Variants in GPM6A observed in about 807,000 individuals in gnomAD.
GPM6A encodes neuronal membrane glycoprotein M6-a.
GPM6A carries 7 observed loss-of-function variants against 32.1 expected under a neutral mutation model. That is an observed-to-expected ratio of 0.22 (90% CI 0.12 to 0.41). The LOEUF is 0.41. GPM6A is among the 10% of genes least tolerant of loss of function. GPM6A has a pLI of 1.00. For synonymous variants in GPM6A, 130 were observed against 123.4 expected, an observed-to-expected ratio of 1.05 and a Z score of -0.35; for missense variants, 235 against 347.2, an observed-to-expected ratio of 0.68 and a Z score of 2.57.
At chr4:175,933,290 G>A (rs1253196528) in intron 1 of GPM6A, among the ~76,000 whole-genome samples, 4 of 152,076 alleles carry the variant, frequency 2.6e-5, no homozygotes, top group Admixed American at 2.6e-4. Flanking sequence ...TAAAACCAGA[G>A]TGAGATACCA....
At chr4:175,889,670 G>C (rs1737576878) in intron 1 of GPM6A, among the ~76,000 whole-genome samples, 1 of 152,086 alleles carries the variant, frequency 6.6e-6, no homozygotes, top group Non-Finnish European at 1.5e-5. Context: ...AAACTTAGCT[G>C]GGCGTGGTGG....
intron 4 of GPM6A, among the ~76,000 whole-genome samples, chr4:175,643,424 T>C (rs151196262): frequency 1.3e-5 from 2 of 152,190 alleles, no homozygotes; most frequent in East Asian, 3.9e-4. Context: ...TTCAGACACA[T>C]TGACTTCCCT....
At chr4:175,835,627 G>GTATATA (rs35980764) in intron 1 of GPM6A, among the ~76,000 whole-genome samples, 9,199 of 138,430 alleles carry the variant, frequency 0.066, 342 homozygotes, top group South Asian at 0.12. Context: ...GTGAGTGTGT[G>GTATATA]TATATATATA....
At chr4:175,992,294 A>AT (rs1741174872) in intron 1 of GPM6A, among the ~76,000 whole-genome samples, 1 of 152,022 alleles carries the variant, frequency 6.6e-6, no homozygotes, top group South Asian at 2.1e-4. Context: ...TTTTGTTTCC[A>AT]TTTTTTTCTT....
intron 1 of GPM6A, among the ~76,000 whole-genome samples, chr4:175,734,521 T>A (rs1423663957): frequency 6.6e-6 from 1 of 152,090 alleles, no homozygotes; most frequent in Non-Finnish European, 1.5e-5. Flanking sequence ...TCAAGGTTTC[T>A]CAGTTTATGT....
intron 2 of GPM6A, among the ~76,000 whole-genome samples, chr4:175,676,012 C>T (rs868566313): frequency 4.6e-5 from 7 of 151,990 alleles, no homozygotes; most frequent in Admixed American, 1.3e-4. Flanking sequence ...ATCATGGGGG[C>T]GGTTACCTCC....
chr4:175,764,508 G>T (rs1732881541), intron 1 of GPM6A, among the ~76,000 whole-genome samples: 2 of 152,088 alleles, frequency 1.3e-5, no homozygotes, highest in Admixed American at 1.3e-4. Flanking sequence ...CATGTGATAG[G>T]CTTCTTTTCC....
At chr4:175,767,565 T>C (rs1250587708) in intron 1 of GPM6A, among the ~76,000 whole-genome samples, 1 of 152,240 alleles carries the variant, frequency 6.6e-6, no homozygotes, top group Non-Finnish European at 1.5e-5. Flanking sequence ...GGAAAGTTTT[T>C]TCACATTTCA....
intron 1 of GPM6A, among the ~76,000 whole-genome samples, chr4:175,921,119 A>G (rs903913366): frequency 2.0e-5 from 3 of 152,180 alleles, no homozygotes; most frequent in African/African-American, 7.2e-5. Context: ...GGAATTTCAC[A>G]CTGAAATCTT....
At chr4:175,768,553 T>G (rs1733062832) in intron 1 of GPM6A, among the ~76,000 whole-genome samples, 1 of 152,064 alleles carries the variant, frequency 6.6e-6, no homozygotes, top group Non-Finnish European at 1.5e-5. Context: ...GTATAGTGAC[T>G]AACTCAAGCA....
chr4:175,894,909 A>G (rs1737751534), intron 1 of GPM6A, among the ~76,000 whole-genome samples: 1 of 152,112 alleles, frequency 6.6e-6, no homozygotes, highest in Non-Finnish European at 1.5e-5. Context: ...CAAGTTTTAA[A>G]CCCATTCTCT....
chr4:175,854,161 T>C (rs1736347096), intron 1 of GPM6A, among the ~76,000 whole-genome samples: 1 of 152,182 alleles, frequency 6.6e-6, no homozygotes, highest in Non-Finnish European at 1.5e-5. Context: ...AGAAGATAAG[T>C]GTATCTAGAA....
intron 1 of GPM6A, among the ~76,000 whole-genome samples, chr4:175,974,780 T>G (rs1380456046): frequency 6.6e-6 from 1 of 151,430 alleles, no homozygotes; most frequent in Non-Finnish European, 1.5e-5. Flanking sequence ...CATTCCAAGG[T>G]CAAGCTATCC....
intron 2 of GPM6A, among the ~76,000 whole-genome samples, chr4:175,695,446 G>A (rs1368441787): frequency 6.6e-6 from 1 of 152,214 alleles, no homozygotes; most frequent in Non-Finnish European, 1.5e-5. Context: ...CCTTTGCAGT[G>A]TGCCCAAGAT....
chr4:175,951,107 T>C (rs987295115), intron 1 of GPM6A, among the ~76,000 whole-genome samples: 4 of 152,170 alleles, frequency 2.6e-5, no homozygotes, highest in Non-Finnish European at 5.9e-5. Context: ...AAATTACTAC[T>C]CTTAAATACA....
At chr4:175,826,732 T>G (rs111405690) in intron 1 of GPM6A, among the ~76,000 whole-genome samples, 19 of 152,278 alleles carry the variant, frequency 1.2e-4, no homozygotes, top group African/African-American at 4.3e-4. Flanking sequence ...CTTCCTGAGT[T>G]TTTTATTAAT....
intron 1 of GPM6A, among the ~76,000 whole-genome samples, chr4:175,915,969 C>G (rs1226649503): frequency 6.6e-6 from 1 of 152,228 alleles, no homozygotes; most frequent in Admixed American, 6.5e-5. Context: ...TCTCCCTTCT[C>G]AGATTGAATG....
chr4:175,675,605 T>G (rs1037055362), intron 2 of GPM6A, among the ~76,000 whole-genome samples: 2 of 152,148 alleles, frequency 1.3e-5, no homozygotes, highest in African/African-American at 4.8e-5. Context: ...TCCTTCATAA[T>G]TAAGATTTTT....
chr4:175,995,757 T>A (rs1741289108), intron 1 of GPM6A, among the ~76,000 whole-genome samples: 1 of 152,228 alleles, frequency 6.6e-6, no homozygotes, highest in South Asian at 2.1e-4. Context: ...GCAAGAGATA[T>A]TTATTTTGTT....
Sources: gnomAD v4.1 joint callset for allele counts (sites outside exome capture counted in the v4.1 genomes callset) on GRCh38, gnomAD v4.1.1 for gene constraint, MANE v1.5 for transcripts, NCBI Gene and HGNC (gene_info 2026-07-23, HGNC 2026-07-21) for gene names.